Variants in CNTNAP2 observed in about 807,000 individuals in gnomAD.
CNTNAP2 encodes contactin associated protein 2, also known as contactin-associated protein-like 2.
Under a neutral mutation model 155.2 loss-of-function variants are expected in CNTNAP2, and 98 were observed. The ratio of observed to expected loss-of-function variants is 0.63; its 90% confidence interval spans 0.54 to 0.75. The LOEUF (loss-of-function observed/expected upper bound fraction) is 0.75, where lower values mean the gene tolerates loss of function less well. CNTNAP2 is among the 30% of genes least tolerant of loss of function. CNTNAP2 has a pLI of 0.00. For synonymous variants in CNTNAP2, 651 were observed against 631.2 expected (o/e 1.03, Z -0.47); for missense variants, 1,727 against 1,688.1 (o/e 1.02, Z -0.40).
intron 1 of CNTNAP2, among the ~76,000 whole-genome samples, chr7:146,489,442 G>T (rs1176748050): frequency 1.3e-5 from 2 of 152,136 alleles, no homozygotes; most frequent in Non-Finnish European, 2.9e-5. Context: ...TGGTTCATGA[G>T]AAAGGCTATA....
At chr7:147,900,334 G>A (rs1799847115) in intron 13 of CNTNAP2, among the ~76,000 whole-genome samples, 1 of 152,142 alleles carries the variant, frequency 6.6e-6, no homozygotes, top group African/African-American at 2.4e-5. Flanking sequence ...CCCCCATGCT[G>A]TTCTCATGAT....
At chr7:146,957,395 T>C (rs1797459306) in intron 3 of CNTNAP2, among the ~76,000 whole-genome samples, 1 of 152,218 alleles carries the variant, frequency 6.6e-6, no homozygotes, top group Admixed American at 6.5e-5. Flanking sequence ...ACTGCAACGT[T>C]ATGTGGCATA....
intron 1 of CNTNAP2, among the ~76,000 whole-genome samples, chr7:146,323,466 G>A (rs139549419): frequency 4.7e-4 from 72 of 152,064 alleles, no homozygotes; most frequent in Non-Finnish European, 7.6e-4. Flanking sequence ...CAACAGCTAT[G>A]AAAGTTAACG....
chr7:146,712,219 T>C (rs1161252388), intron 1 of CNTNAP2, among the ~76,000 whole-genome samples: 2 of 125,076 alleles, frequency 1.6e-5, no homozygotes, highest in African/African-American at 5.7e-5. Flanking sequence ...ATATCTTATG[T>C]ATACAAATAT....
chr7:146,794,738 C>G (rs538388364), intron 2 of CNTNAP2, among the ~76,000 whole-genome samples: 1 of 152,026 alleles, frequency 6.6e-6, no homozygotes, highest in Non-Finnish European at 1.5e-5. Flanking sequence ...TGTCAAACCA[C>G]GAGAGGAATA....
intron 2 of CNTNAP2, among the ~76,000 whole-genome samples, chr7:146,796,427 G>A (rs1030462164): frequency 3.3e-5 from 5 of 152,148 alleles, no homozygotes; most frequent in African/African-American, 1.2e-4. Flanking sequence ...ATTGGTTAGG[G>A]TAAGAGTGAT....
At chr7:146,663,238 T>C (rs1462482847) in intron 1 of CNTNAP2, among the ~76,000 whole-genome samples, 1 of 136,992 alleles carries the variant, frequency 7.3e-6, no homozygotes, top group Non-Finnish European at 1.5e-5. Flanking sequence ...AGATCAGCCA[T>C]TGCACCTCAG....
chr7:147,877,126 C>T (rs1278129644), intron 13 of CNTNAP2, among the ~76,000 whole-genome samples: 1 of 151,490 alleles, frequency 6.6e-6, no homozygotes, highest in Non-Finnish European at 1.5e-5. Context: ...GGTGTTCAGA[C>T]ACAACGAAGG....
intron 15 of CNTNAP2, among the ~76,000 whole-genome samples, chr7:148,068,337 A>G (rs1327314402): frequency 6.6e-6 from 1 of 152,174 alleles, no homozygotes; most frequent in Non-Finnish European, 1.5e-5. Context: ...GGCACCAGGA[A>G]TGCCTACAGG....
At chr7:147,022,964 A>T (rs1425846955) in intron 3 of CNTNAP2, among the ~76,000 whole-genome samples, 1 of 152,152 alleles carries the variant, frequency 6.6e-6, no homozygotes, top group East Asian at 1.9e-4. Flanking sequence ...ATGGTTTGTT[A>T]TCTATGGAAC....
chr7:146,979,070 G>A (rs562105005), intron 3 of CNTNAP2, among the ~76,000 whole-genome samples: 1 of 152,114 alleles, frequency 6.6e-6, no homozygotes. Flanking sequence ...CCCATGTTTA[G>A]CAAAGTGAGT....
chr7:147,426,876 A>AT (rs1462639591), intron 10 of CNTNAP2, among the ~76,000 whole-genome samples: 1 of 152,142 alleles, frequency 6.6e-6, no homozygotes, highest in African/African-American at 2.4e-5. Context: ...TCCTGTAAAT[A>AT]TAAGTGACAT....
chr7:146,571,553 T>C (rs905973852), intron 1 of CNTNAP2, among the ~76,000 whole-genome samples: 2 of 152,106 alleles, frequency 1.3e-5, no homozygotes, highest in African/African-American at 2.4e-5. Flanking sequence ...ATGATTTTTG[T>C]CTAGCTCTGA....
chr7:148,266,624 G>A (rs1006814284), intron 20 of CNTNAP2, among the ~76,000 whole-genome samples: 7 of 152,136 alleles, frequency 4.6e-5, no homozygotes, highest in African/African-American at 1.7e-4. Flanking sequence ...GTATGTGTGT[G>A]TGTGTGATCA....
At chr7:146,951,607 A>T (rs1205486617) in intron 3 of CNTNAP2, among the ~76,000 whole-genome samples, 4 of 151,956 alleles carry the variant, frequency 2.6e-5, no homozygotes, top group Non-Finnish European at 5.9e-5. Flanking sequence ...ATGGTTGTAG[A>T]TGTGTGACAT....
At chr7:147,491,308 C>T (rs889211549) in intron 11 of CNTNAP2, among the ~76,000 whole-genome samples, 1 of 152,028 alleles carries the variant, frequency 6.6e-6, no homozygotes, top group Non-Finnish European at 1.5e-5. Context: ...CCTTGCCCCT[C>T]CTATACCACG....
In CNTNAP2 at chr7:146,204,228, A is replaced by G. The variant is rs142050566; in HGVS notation, c.97+87255A>G. On this transcript the variant is annotated intron_variant, in intron 1 of 23. Coordinates refer to ENST00000361727, the MANE Select transcript of CNTNAP2 (RefSeq NM_014141.6). ...TTAAGAAAAGAAATGACAGACTCTAAATTGGAAATTAAATATCAGTCCACT... is the reference window on the plus strand; with the variant it reads ...TTAAGAAAAGAAATGACAGACTCTAGATTGGAAATTAAATATCAGTCCACT... Among the ~76,000 whole-genome samples the G allele has an allele frequency of 3.2e-3, 494 of 152,266 alleles. 2 individuals are homozygous for G. The highest frequency in any genetic ancestry group is 9.8e-3 in the African/African-American group (407 of 41,560).
At chr7:148,353,477 C>T (rs1798462918) in intron 21 of CNTNAP2, among the ~76,000 whole-genome samples, 1 of 152,208 alleles carries the variant, frequency 6.6e-6, no homozygotes, top group African/African-American at 2.4e-5. Flanking sequence ...TTTACTGTGG[C>T]AAAACCTCCT....
chr7:147,358,484 A>G (rs1796097710), intron 9 of CNTNAP2, among the ~76,000 whole-genome samples: 1 of 152,164 alleles, frequency 6.6e-6, no homozygotes, highest in South Asian at 2.1e-4. Flanking sequence ...GAGTAAACAT[A>G]GCTGAGTAAT....
Sources: gnomAD v4.1 joint callset for allele counts (sites outside exome capture counted in the v4.1 genomes callset) on GRCh38, gnomAD v4.1.1 for gene constraint, MANE v1.5 for transcripts, NCBI Gene and HGNC (gene_info 2026-07-23, HGNC 2026-07-21) for gene names.